ST8SIA6: variants seen among roughly 807,000 people sequenced by gnomAD.
ST8SIA6 encodes the protein ST8 alpha-N-acetyl-neuraminide alpha-2,8-sialyltransferase 6.
ST8SIA6 carries 39 observed loss-of-function variants against 33.6 expected under a neutral mutation model. The ratio of observed to expected loss-of-function variants is 1.16; its 90% CI spans 0.90 to 1.52. The LOEUF is 1.52. ST8SIA6 is among the 40% of genes most tolerant of loss of function. ST8SIA6 has a pLI of 0.00. For synonymous variants in ST8SIA6, 172 were observed against 167.2 expected (o/e 1.03, Z -0.22); for missense variants, 441 against 443.8 (o/e 0.99, Z 0.06).
At chr10:17,401,521 C>G (rs1258310557) in intron 2 of ST8SIA6, among the ~76,000 whole-genome samples, 1 of 152,192 alleles carries the variant, frequency 6.6e-6, no homozygotes, top group Non-Finnish European at 1.5e-5. Context: ...CGCTACCTGA[C>G]TTCAAATTAT....
At chr10:17,434,064 C>T (rs1852179412) in intron 2 of ST8SIA6, among the ~76,000 whole-genome samples, 1 of 152,162 alleles carries the variant, frequency 6.6e-6, no homozygotes, top group South Asian at 2.1e-4. Context: ...CCTCCCCTGG[C>T]TTCTCTCCCC....
At chr10:17,421,156 C>T (rs1162898391) in intron 2 of ST8SIA6, among the ~76,000 whole-genome samples, 1 of 152,196 alleles carries the variant, frequency 6.6e-6, no homozygotes, top group Non-Finnish European at 1.5e-5. Flanking sequence ...GAGGCAGCCA[C>T]GTCATGACTG....
intron 4 of ST8SIA6, among the ~76,000 whole-genome samples, chr10:17,337,011 T>C (rs569061305): frequency 8.5e-4 from 129 of 152,270 alleles, no homozygotes; most frequent in African/African-American, 3.0e-3. Context: ...TCATGACGAA[T>C]TGTAATCCCG....
chr10:17,384,413 A>T (rs1035144504), intron 3 of ST8SIA6, among the ~76,000 whole-genome samples: 1 of 152,242 alleles, frequency 6.6e-6, no homozygotes, highest in Admixed American at 6.5e-5. Context: ...TTCATGCTGC[A>T]CTATATACAA....
At chr10:17,348,184 A>G (rs1295404270) in intron 4 of ST8SIA6, among the ~76,000 whole-genome samples, 1 of 150,428 alleles carries the variant, frequency 6.6e-6, no homozygotes, top group Non-Finnish European at 1.5e-5. Flanking sequence ...TTATTCAGTT[A>G]GATATTTTTA....
At chr10:17,341,693 G>C (rs2131597415) in intron 4 of ST8SIA6, among the ~76,000 whole-genome samples, 1 of 152,050 alleles carries the variant, frequency 6.6e-6, no homozygotes, top group Non-Finnish European at 1.5e-5. Context: ...AAGGTCAGGA[G>C]TTCGAGACCA....
chr10:17,324,840 A>G (rs1264405407), intron 6 of ST8SIA6, among the ~76,000 whole-genome samples: 2 of 147,086 alleles, frequency 1.4e-5, no homozygotes, highest in African/African-American at 4.9e-5. Context: ...TATATATTAT[A>G]TGTAATATTA....
intron 4 of ST8SIA6, among the ~76,000 whole-genome samples, chr10:17,344,315 G>T (rs113076122): frequency 0.013 from 2,044 of 152,332 alleles, 24 homozygotes; most frequent in Non-Finnish European, 0.022. Flanking sequence ...ATAAAGAAAG[G>T]AGGTTTAATG....
intron 3 of ST8SIA6, among the ~76,000 whole-genome samples, chr10:17,382,190 TATTAA>T (rs1289837015): frequency 2.6e-5 from 4 of 152,238 alleles, no homozygotes; most frequent in African/African-American, 4.8e-5. Context: ...TATAAAGTTG[TATTAA>T]ATTAAATAAT....
chr10:17,441,871 AT>A (rs879696172), intron 2 of ST8SIA6, among the ~76,000 whole-genome samples: 358 of 144,556 alleles, frequency 2.5e-3, no homozygotes, highest in Middle Eastern at 7.3e-3. Flanking sequence ...ATATAAAACA[AT>A]TTTTTTTTTT....
chr10:17,433,186 TG>T (rs1407266036), intron 2 of ST8SIA6, among the ~76,000 whole-genome samples: 2 of 152,084 alleles, frequency 1.3e-5, no homozygotes, highest in African/African-American at 4.8e-5. Context: ...ATTTTAAATC[TG>T]GGGGAAAAAA....
chr10:17,446,618 A>G (rs113011147), intron 2 of ST8SIA6, among the ~76,000 whole-genome samples: 2,058 of 152,338 alleles, frequency 0.014, 26 homozygotes, highest in Non-Finnish European at 0.022. Context: ...AAGCAGAGGA[A>G]AAAGACAAAG....
In ST8SIA6 at chr10:17,390,609, T is replaced by G. The variant is rs752680782; in HGVS notation, c.212A>C (p.Asn71Thr). The stretch of plus-strand genomic sequence containing the variant: ...CTCCGTCAGTTGGAGCGACTTCTCA[T>G]TCAGATATGTGCTGTTTCATGAAAG... ...VPRATNSTYLNEKSLQLTEKC... is the reference protein window; with the variant it reads ...VPRATNSTYLTEKSLQLTEKC... The change falls in exon 3 of 8, where the codon AAT (asparagine) becomes ACT (threonine). Residue 71 changes from asparagine (N) to threonine (T), a missense_variant. Asn to Thr is a moderately conservative substitution (Grantham distance 65). Transcript: ENST00000377602. 11 of 1,613,542 alleles carry G rather than the reference T, an allele frequency of 6.8e-6. No individual in the cohort carries two copies. The highest frequency in any genetic ancestry group is 5.0e-5 in the Admixed American group (3 of 59,972).
intron 2 of ST8SIA6, among the ~76,000 whole-genome samples, chr10:17,444,896 C>G (rs541733506): frequency 9.2e-5 from 14 of 152,190 alleles, no homozygotes; most frequent in African/African-American, 3.4e-4. Context: ...AGATTTAAGC[C>G]CATTTCAAAG....
intron 2 of ST8SIA6, among the ~76,000 whole-genome samples, chr10:17,452,926 AC>A (rs1191973266): frequency 1.3e-5 from 2 of 152,168 alleles, no homozygotes; most frequent in East Asian, 3.9e-4. Flanking sequence ...ATAGACCAAA[AC>A]CACCTTGAAT....
chr10:17,345,453 A>G (rs992028522), intron 4 of ST8SIA6, among the ~76,000 whole-genome samples: 1 of 152,244 alleles, frequency 6.6e-6, no homozygotes, highest in Non-Finnish European at 1.5e-5. Flanking sequence ...AGCTCCCCAG[A>G]AGACACAAAG....
In ST8SIA6 at chr10:17,316,442, C is replaced by T. The variant is rs773278531; in HGVS notation, c.*4436G>A. 1.3e-5 allele frequency among the ~76,000 whole-genome samples: 2 copies of T among 152,082 alleles called. No individual in the cohort carries two copies. The highest frequency in any genetic ancestry group is 2.9e-5 in the Non-Finnish European group (2 of 67,956). ...TCTGTGAGTCCAATTTGTCTACTTA[C>T]TACCGCAAACCATAATGGAATAAAT... On this transcript the variant is annotated 3_prime_UTR_variant, in exon 8 of 8. Coordinates refer to ENST00000377602, the MANE Select transcript of ST8SIA6 (RefSeq NM_001004470.3).
rs182357592 is a variant in ST8SIA6 at position 17,330,969 on chromosome 10, G to A, written c.522+439C>T. Among the ~76,000 whole-genome samples the A allele has an allele frequency of 1.5e-3, 234 of 152,232 alleles. 1 individual carries two copies. The highest frequency in any genetic ancestry group is 5.4e-3 in the African/African-American group (224 of 41,520). The stretch of plus-strand genomic sequence containing the variant: ...CAGACAACAATCTCTATCTTATGGT[G>A]GGTACGTTTATTGACTATAAATTCT... On this transcript the variant is annotated intron_variant, in intron 5 of 7. Coordinates refer to ENST00000377602, the MANE Select transcript of ST8SIA6 (RefSeq NM_001004470.3).
At chr10:17,374,071 C>CACACACACACACA in intron 3 of ST8SIA6, among the ~76,000 whole-genome samples, 1 of 139,016 alleles carries the variant, frequency 7.2e-6, no homozygotes, top group East Asian at 2.1e-4. Context: ...TCAACAACCA[C>CACACACACACACA]CACACACACA....
Sources: allele counts gnomAD v4.1 joint callset (sites outside exome capture counted in the v4.1 genomes callset), GRCh38; gene constraint gnomAD v4.1.1; transcripts MANE v1.5; gene names NCBI Gene and HGNC (gene_info 2026-07-23, HGNC 2026-07-21).